CACNA2D3: variants seen among roughly 807,000 people sequenced by gnomAD.
CACNA2D3 encodes voltage-dependent calcium channel subunit alpha-2/delta-3.
A neutral mutation model predicts 160.6 loss-of-function variants in CACNA2D3; 60 were observed. That is an observed-to-expected ratio of 0.37 (90% CI 0.30 to 0.46). The LOEUF is 0.46. CACNA2D3 is among the 20% of genes least tolerant of loss of function. The probability of loss-of-function intolerance (pLI) is 1.00; values close to 1 mark genes in which losing one functional copy is unlikely to be tolerated. For synonymous variants in CACNA2D3, 558 were observed against 492.9 expected (o/e 1.13, Z -1.75); for missense variants, 1,205 against 1,365.0 (o/e 0.88, Z 1.85).
In CACNA2D3 at chr3:54,778,076, G is replaced by A. The variant is rs761822595; in HGVS notation, c.1380+13725G>A. Among the ~76,000 whole-genome samples, 33 of 152,186 alleles carry A rather than the reference G, an allele frequency of 2.2e-4. 1 individual carries two copies. The highest frequency in any genetic ancestry group is 6.5e-4 in the Admixed American group (10 of 15,280). On this transcript the variant is annotated intron_variant, in intron 13 of 37. Coordinates refer to ENST00000474759, the MANE Select transcript of CACNA2D3 (RefSeq NM_018398.3). ...TGACCTGACTCCAGTGAACATCTCA[G>A]TCTTTTCCTTCCACATGGCAGAAGG...
At chr3:54,166,890 G>A (rs1240161182) in intron 2 of CACNA2D3, among the ~76,000 whole-genome samples, 1 of 152,164 alleles carries the variant, frequency 6.6e-6, no homozygotes, top group Admixed American at 6.5e-5. Context: ...TAGATTTCAG[G>A]TCATTTTTCC....
At chr3:54,236,399 G>A (rs1288003283) in intron 2 of CACNA2D3, among the ~76,000 whole-genome samples, 17 of 152,140 alleles carry the variant, frequency 1.1e-4, no homozygotes, top group Non-Finnish European at 1.9e-4. Context: ...CTGGGCGTGC[G>A]ACATATGGAA....
intron 15 of CACNA2D3, among the ~76,000 whole-genome samples, chr3:54,837,936 C>T (rs1698732761): frequency 6.6e-6 from 1 of 152,118 alleles, no homozygotes; most frequent in African/African-American, 2.4e-5. Flanking sequence ...TTCTGAGGTT[C>T]TGGGTGGACA....
At chr3:55,069,488 CTGA>C (rs1704749883) in intron 35 of CACNA2D3, among the ~76,000 whole-genome samples, 1 of 151,912 alleles carries the variant, frequency 6.6e-6, no homozygotes, top group Non-Finnish European at 1.5e-5. Context: ...GCCTTTTATA[CTGA>C]TTATTGATAC....
chr3:54,475,019 C>G (rs759962808), intron 4 of CACNA2D3, among the ~76,000 whole-genome samples: 1 of 152,180 alleles, frequency 6.6e-6, no homozygotes, highest in Non-Finnish European at 1.5e-5. Context: ...TAGCATCAAA[C>G]TTTTCACCCT....
chr3:54,464,755 G>A (rs538951569), intron 4 of CACNA2D3, among the ~76,000 whole-genome samples: 27 of 152,308 alleles, frequency 1.8e-4, no homozygotes, highest in African/African-American at 5.8e-4. Flanking sequence ...GCCGTGCTTC[G>A]GCTAGCGCAC....
chr3:54,248,393 A>T (rs1702122626), intron 2 of CACNA2D3, among the ~76,000 whole-genome samples: 2 of 151,698 alleles, frequency 1.3e-5, no homozygotes, highest in South Asian at 4.2e-4. Flanking sequence ...AGGCAGGAGA[A>T]TCCCTTGAAC....
Position 54,893,426 on chromosome 3 carries a change from C to T in CACNA2D3, c.2246+1976C>T, listed in dbSNP as rs115632352. The stretch of plus-strand genomic sequence containing the variant: ...ATGGATGAAATCTGTCTTCAAGAAA[C>T]TCCTGTCATTGCTTCATATAGAGGC... On this transcript the variant is annotated intron_variant, in intron 25 of 37. Transcript: ENST00000474759. Among the ~76,000 whole-genome samples the T allele has an allele frequency of 5.5e-3, 831 of 151,940 alleles. 2 individuals carry two copies. Among genetic ancestry groups the T allele is most frequent in the Non-Finnish European group, 9.5e-3 (643 of 67,968 alleles).
chr3:54,911,135 G>GA (rs1700545419), intron 27 of CACNA2D3, among the ~76,000 whole-genome samples: 1 of 151,886 alleles, frequency 6.6e-6, no homozygotes. Flanking sequence ...AAAAGATAAG[G>GA]ACTTCTTTGG....
intron 2 of CACNA2D3, among the ~76,000 whole-genome samples, chr3:54,213,057 G>C (rs576376405): frequency 6.6e-6 from 1 of 152,124 alleles, no homozygotes; most frequent in African/African-American, 2.4e-5. Context: ...GCCAAGGTCA[G>C]AATCTCCACC....
chr3:55,025,859 C>G lies in CACNA2D3; in HGVS notation c.2987+7542C>G, dbSNP rs909086573. 3.3e-5 allele frequency among the ~76,000 whole-genome samples: 5 copies of G among 151,864 alleles called. No individual in the cohort carries two copies. The South Asian group carries it at 6.3e-4, about 19-fold the overall frequency. On this transcript the variant is annotated intron_variant, in intron 35 of 37. Transcript: ENST00000474759. ...GCTTTATTTCAAGACCACCACCTGG[C>G]AGGTCAGTCATACACTGCAGAAGCA...
At chr3:54,385,543 T>A (rs1289643191) in intron 3 of CACNA2D3, among the ~76,000 whole-genome samples, 1 of 152,150 alleles carries the variant, frequency 6.6e-6, no homozygotes, top group African/African-American at 2.4e-5. Flanking sequence ...TTCCCAAATC[T>A]CTGTCTGTGG....
At chr3:54,705,197 A>G (rs563563987) in intron 11 of CACNA2D3, among the ~76,000 whole-genome samples, 1 of 152,164 alleles carries the variant, frequency 6.6e-6, no homozygotes, top group South Asian at 2.1e-4. Context: ...TGCCATATCA[A>G]TTTCAATTCT....
rs537614057 is a variant in CACNA2D3, at chr3:54,379,040, C to CTAGGCTTATT, written c.322-7674_322-7673insAGGCTTATTT. ...GATGTAAACTCTAGGCTTATTTTGT[C>CTAGGCTTATT]TTGTAAAAGGCCAGTGTAGCCTTAT... On this transcript the variant is annotated intron_variant, in intron 3 of 37. Coordinates refer to ENST00000474759, the MANE Select transcript of CACNA2D3 (RefSeq NM_018398.3). 9.2e-5 allele frequency among the ~76,000 whole-genome samples: 14 copies of CTAGGCTTATT among 152,206 alleles called. No homozygotes were observed. The East Asian group carries it at 2.7e-3, about 29-fold the overall frequency.
chr3:54,145,984 C>T (rs1377829078), intron 2 of CACNA2D3, among the ~76,000 whole-genome samples: 1 of 152,114 alleles, frequency 6.6e-6, no homozygotes. Context: ...GGCCTAATCT[C>T]ACTGTTTTTA....
intron 11 of CACNA2D3, among the ~76,000 whole-genome samples, chr3:54,657,926 G>C (rs1324509295): frequency 6.6e-6 from 1 of 152,192 alleles, no homozygotes. Flanking sequence ...CTACTCAGGA[G>C]ACTCAAGCGG....
chr3:54,355,659 C>T (rs1480356354), intron 3 of CACNA2D3, among the ~76,000 whole-genome samples: 2 of 152,110 alleles, frequency 1.3e-5, no homozygotes, highest in Non-Finnish European at 2.9e-5. Flanking sequence ...ATGTCTATTA[C>T]ACATGTACCT....
At chr3:55,035,862 G>T (rs1171487653) in intron 35 of CACNA2D3, among the ~76,000 whole-genome samples, 3 of 152,180 alleles carry the variant, frequency 2.0e-5, no homozygotes, top group Admixed American at 1.3e-4. Flanking sequence ...ATGTGAAGTG[G>T]TGAATTCAGA....
chr3:54,659,283 A>T lies in CACNA2D3; in HGVS notation c.1167+17042A>T, dbSNP rs140930564. Among the ~76,000 whole-genome samples, 3 of 152,230 alleles carry T rather than the reference A, an allele frequency of 2.0e-5. No individual in the cohort carries two copies. The East Asian group carries it at 5.8e-4, about 30-fold the overall frequency. On this transcript the variant is annotated intron_variant, in intron 11 of 37. Coordinates refer to ENST00000474759, the MANE Select transcript of CACNA2D3 (RefSeq NM_018398.3). ...GTGCCCAGAGTGGTGCCTGGCACAC[A>T]GTGTGCGTTCAGGGAGCCTTTGGCA...
Sources: allele counts gnomAD v4.1 joint callset (sites outside exome capture counted in the v4.1 genomes callset), GRCh38; gene constraint gnomAD v4.1.1; transcripts MANE v1.5; gene names NCBI Gene and HGNC (gene_info 2026-07-23, HGNC 2026-07-21).